ZNF236: variants seen among roughly 807,000 people sequenced by gnomAD.
ZNF236 encodes the protein zinc finger protein 236.
Under a neutral mutation model 191.2 loss-of-function variants are expected in ZNF236, and 50 were observed. The observed-to-expected ratio is 0.26, with a 90% CI of 0.21 to 0.33. ZNF236 has a LOEUF of 0.33. Ranked by LOEUF, ZNF236 falls within the 10% of genes least tolerant of loss-of-function variation. ZNF236 has a pLI of 1.00. For synonymous variants in ZNF236, 907 were observed against 928.8 expected (o/e 0.98, Z 0.43); for missense variants, 1,754 against 2,374.5 (o/e 0.74, Z 5.43).
chr18:76,852,030 T>C (rs547134285), intron 3 of ZNF236, 91 bp downstream of exon 3: 2 of 1,344,656 alleles, frequency 1.5e-6, no homozygotes, highest in African/African-American at 2.9e-5. Flanking sequence ...TAAACTTGTT[T>C]TGAAAGCCTT....
At chr18:76,856,532 G>T (rs1976046119) in intron 3 of ZNF236, among the ~76,000 whole-genome samples, 1 of 151,894 alleles carries the variant, frequency 6.6e-6, no homozygotes, top group African/African-American at 2.4e-5. Flanking sequence ...CCTCCAATCT[G>T]GTAATTTAAA....
chr18:76,922,999 A>T, intron 20 of ZNF236, 72 bp from the exon 21 acceptor site: 1 of 1,190,840 alleles, frequency 8.4e-7, no homozygotes, highest in Admixed American at 1.9e-5. Context: ...CCTAATTTTA[A>T]TTTATATAGT....
At chr18:76,923,754 C>CT (rs1270880955) in intron 21 of ZNF236, among the ~76,000 whole-genome samples, 2 of 152,136 alleles carry the variant, frequency 1.3e-5, no homozygotes, top group Non-Finnish European at 2.9e-5. Flanking sequence ...ACAAGGTTCT[C>CT]CTCTCAGCCA....
At chr18:76,867,454 A>G (rs1337408161) in intron 3 of ZNF236, among the ~76,000 whole-genome samples, 1 of 152,202 alleles carries the variant, frequency 6.6e-6, no homozygotes, top group East Asian at 1.9e-4. Flanking sequence ...GGTAGTATCA[A>G]TTAACAGCCT....
intron 1 of ZNF236, among the ~76,000 whole-genome samples, chr18:76,829,418 C>A (rs996805236): frequency 4.0e-5 from 6 of 151,780 alleles, no homozygotes; most frequent in African/African-American, 1.5e-4. Context: ...ATCTCTGCCT[C>A]CCGGACTCAA....
At chr18:76,846,750 C>T (rs1268600371) in intron 1 of ZNF236, among the ~76,000 whole-genome samples, 1 of 151,758 alleles carries the variant, frequency 6.6e-6, no homozygotes, top group Non-Finnish European at 1.5e-5. Context: ...CTTAAGATAA[C>T]TCTTTTTCTG....
At chr18:76,909,029 C>T (rs1967143211) in intron 14 of ZNF236, among the ~76,000 whole-genome samples, 1 of 150,410 alleles carries the variant, frequency 6.6e-6, no homozygotes, top group Non-Finnish European at 1.5e-5. Flanking sequence ...TATAATTATA[C>T]AAATAAGGCT....
chr18:76,878,710 A>G (rs1309899447), intron 7 of ZNF236, among the ~76,000 whole-genome samples: 2 of 151,812 alleles, frequency 1.3e-5, no homozygotes, highest in Non-Finnish European at 2.9e-5. Flanking sequence ...CTCGTACTGC[A>G]CTACCCTCTC....
chr18:76,924,908 C>A (rs751040183), intron 21 of ZNF236, among the ~76,000 whole-genome samples: 1 of 152,192 alleles, frequency 6.6e-6, no homozygotes, highest in African/African-American at 2.4e-5. Context: ...ATCAACTACT[C>A]CAATCAAGGT....
At chr18:76,923,318 GA>G (rs1251993670) in intron 21 of ZNF236, 144 bp downstream of exon 21, 5 of 557,024 alleles carry the variant, frequency 9.0e-6, no homozygotes, top group Non-Finnish European at 1.6e-5. Context: ...TGATATAAAA[GA>G]TTTTTTTATT....
rs556294381 is a variant in ZNF236 at position 76,952,732 on chromosome 18, C to T, written c.4915-3253C>T. Among the ~76,000 whole-genome samples, 11 of 152,300 alleles carry T rather than the reference C, an allele frequency of 7.2e-5. No individual in the cohort carries two copies. In the East Asian group the frequency reaches 1.9e-3, roughly 27 times the overall value. ...CTGAGGCAGGAGGACTGCTTGAGCCCAGGAGTTCGAGACTGCTGTGAGCTA... is the reference window on the plus strand; with the variant it reads ...CTGAGGCAGGAGGACTGCTTGAGCCTAGGAGTTCGAGACTGCTGTGAGCTA... On this transcript the variant is annotated intron_variant, in intron 27 of 30. Transcript: ENST00000320610.
chr18:76,932,744 G>A (rs1967891202), intron 25 of ZNF236, among the ~76,000 whole-genome samples: 1 of 152,178 alleles, frequency 6.6e-6, no homozygotes, highest in Non-Finnish European at 1.5e-5. Context: ...GAGACAAGTT[G>A]GGTTGTAGAG....
At chr18:76,883,615 C>T (rs921016072) in intron 9 of ZNF236, among the ~76,000 whole-genome samples, 2 of 151,986 alleles carry the variant, frequency 1.3e-5, no homozygotes, top group East Asian at 3.9e-4. Context: ...TTTTGTAGAG[C>T]TGAGGTCTTG....
At chr18:76,937,128 T>G in intron 25 of ZNF236, 28 bp from the exon 26 acceptor site, 1 of 1,603,360 alleles carries the variant, frequency 6.2e-7, no homozygotes, top group South Asian at 1.1e-5. Flanking sequence ...GCCTTCCCAT[T>G]GATCTACTTA....
chr18:76,968,475 G>A lies in ZNF236; in HGVS notation c.*136G>A. 4 of 1,441,294 alleles carry A rather than the reference G, an allele frequency of 2.8e-6. No individual in the cohort carries two copies. The East Asian group carries it at 1.1e-4, about 39-fold the overall frequency. The allele number at this position is 1,441,294 out of a possible 1,614,324, so 89.3% of individuals were successfully genotyped here. ...TTTTTTATCTATAAAATTATCTAAA[G>A]AATCATTGTCTTTCAGAGACTCATA... On this transcript the variant is annotated 3_prime_UTR_variant, in exon 31 of 31. Coordinates refer to ENST00000320610, the MANE Select transcript of ZNF236 (RefSeq NM_001306089.2).
At chr18:76,945,774 A>G (rs1192331871) in intron 26 of ZNF236, among the ~76,000 whole-genome samples, 2 of 152,224 alleles carry the variant, frequency 1.3e-5, no homozygotes, top group Non-Finnish European at 2.9e-5. Flanking sequence ...ACAGCGCAAG[A>G]CTTTATCTCC....
intron 26 of ZNF236, among the ~76,000 whole-genome samples, chr18:76,939,731 A>T (rs1368609529): frequency 6.6e-6 from 1 of 151,818 alleles, no homozygotes; most frequent in East Asian, 1.9e-4. Flanking sequence ...TAAGGGTGTA[A>T]TGTGCATTGG....
At position 76,964,247 on chromosome 18, in the gene ZNF236, T is replaced by C. The variant is rs546830779; in HGVS notation, c.5419+3392T>C. ...TGCCTTTGCTGTATCCCAGAGGTTATGATAGGTTATGTCACTATGGTTGTT... is the reference window on the plus strand; with the variant it reads ...TGCCTTTGCTGTATCCCAGAGGTTACGATAGGTTATGTCACTATGGTTGTT... On this transcript the variant is annotated intron_variant, in intron 30 of 30. Transcript: ENST00000320610. Among the ~76,000 whole-genome samples the C allele has an allele frequency of 2.0e-5, 3 of 152,340 alleles. No individual in the cohort carries two copies. The East Asian group carries it at 5.8e-4, about 29-fold the overall frequency.
chr18:76,844,140 T>C (rs1975607027), intron 1 of ZNF236, among the ~76,000 whole-genome samples: 1 of 151,396 alleles, frequency 6.6e-6, no homozygotes, highest in Non-Finnish European at 1.5e-5. Context: ...CTCTAGAGAC[T>C]GATGCAGGAG....
Sources: allele counts gnomAD v4.1 joint callset (sites outside exome capture counted in the v4.1 genomes callset), GRCh38; gene constraint gnomAD v4.1.1; transcripts MANE v1.5; gene names NCBI Gene and HGNC (gene_info 2026-07-23, HGNC 2026-07-21).